DDX60L: variants seen among roughly 807,000 people sequenced by gnomAD.
The protein encoded by DDX60L is DExD/H-box 60 like.
A neutral mutation model predicts 211.6 loss-of-function variants in DDX60L; 191 were observed. The observed-to-expected ratio is 0.90, with a 90% CI of 0.80 to 1.02. The LOEUF (loss-of-function observed/expected upper bound fraction) is 1.02, where lower values mean the gene tolerates loss of function less well. Ranked by LOEUF, DDX60L falls within the 50% of genes least tolerant of loss-of-function variation. The probability of loss-of-function intolerance (pLI) is 0.00; values close to 1 mark genes in which losing one functional copy is unlikely to be tolerated. For synonymous variants in DDX60L, 706 were observed against 694.1 expected, an observed-to-expected ratio of 1.02 and a Z score of -0.27; for missense variants, 2,007 against 1,984.1, an observed-to-expected ratio of 1.01 and a Z score of -0.22.
In DDX60L at chr4:168,394,527, T is replaced by C. The variant is rs1294154221; in HGVS notation, c.3748A>G (p.Ser1250Gly). ...LAQRGIGYHH[S>G]SMYFKEKEFV... ...TCTTTTTCTTTAAAATACATGCTGC[T>C]GTGATGATATCCAATCCCCCTTTGT... Residue 1250 changes from serine to glycine, a missense_variant, in exon 28 of 38, where the codon AGC becomes GGC. Transcript: ENST00000682922. The C allele has an allele frequency of 6.2e-7, 1 of 1,613,612 alleles. No individual in the cohort carries two copies. Among genetic ancestry groups the C allele is most frequent in the Non-Finnish European group, 8.5e-7 (1 of 1,179,608 alleles).
Position 168,471,864 on chromosome 4 carries a change from T to C in DDX60L, c.147A>G (p.Thr49=), listed in dbSNP as rs780055233. 5 of 1,613,626 alleles carry C rather than the reference T, an allele frequency of 3.1e-6. No homozygotes were observed. Among genetic ancestry groups the C allele is most frequent in the Non-Finnish European group, 4.2e-6 (5 of 1,179,868 alleles). The change falls in exon 4 of 38, where the codon ACA becomes ACG. Residue 49 remains threonine (T), a synonymous_variant. Transcript: ENST00000682922. ...ACTTGAATGATTTTACACCCAGGCATGTGACAAGCAAGGAATCTCCATCAA... is the reference window on the plus strand; with the variant it reads ...ACTTGAATGATTTTACACCCAGGCACGTGACAAGCAAGGAATCTCCATCAA... ...FVIDGDSLLV[T]CLGVKSFKWG...
At chr4:168,452,946 T>C (rs1756003548) in intron 8 of DDX60L, among the ~76,000 whole-genome samples, 178 bp downstream of exon 8, 1 of 152,190 alleles carries the variant, frequency 6.6e-6, no homozygotes. Flanking sequence ...CATGCTTCTA[T>C]AAAACAGATA....
intron 11 of DDX60L, 63 bp downstream of exon 11, chr4:168,432,947 C>T: frequency 1.1e-6 from 1 of 935,530 alleles, no homozygotes; most frequent in East Asian, 2.6e-5. Flanking sequence ...TTTGATGAGT[C>T]ATTCACTTCA....
At chr4:168,475,458 C>T (rs1222439146) in intron 1 of DDX60L, among the ~76,000 whole-genome samples, 5 of 151,952 alleles carry the variant, frequency 3.3e-5, no homozygotes, top group African/African-American at 4.8e-5. Flanking sequence ...ACTATGTATA[C>T]AGTTATGTTG....
Position 168,373,812 on chromosome 4 carries a change from A to C in DDX60L, c.4634-4T>G. On this transcript the variant is annotated splice_region_variant and splice_polypyrimidine_tract_variant and intron_variant, in intron 34 of 37. Coordinates refer to ENST00000682922, the MANE Select transcript of DDX60L (RefSeq NM_001012967.3). ...TCACATTCTTTACCTGTGAATTCTG[A>C]CCATTTTGGACTAGGTCACGTTAGG... is the stretch of plus-strand genomic sequence containing the variant. 3 of 1,612,376 alleles carry C rather than the reference A, an allele frequency of 1.9e-6. No homozygotes were observed. The highest frequency in any genetic ancestry group is 2.5e-6 in the Non-Finnish European group (3 of 1,179,190).
chr4:168,416,041 G>A (rs554275709), intron 20 of DDX60L, among the ~76,000 whole-genome samples: 7 of 152,112 alleles, frequency 4.6e-5, no homozygotes, highest in South Asian at 4.1e-4. Context: ...AGGGTGTTGC[G>A]TGGCTTGAAT....
intron 10 of DDX60L, 84 bp downstream of exon 10, chr4:168,441,253 T>A: frequency 7.6e-7 from 1 of 1,313,596 alleles, no homozygotes; most frequent in East Asian, 2.4e-5. Flanking sequence ...TTATTTACAC[T>A]TGGAAGAATT....
chr4:168,390,272 G>A (rs1744568109), intron 29 of DDX60L: 3 of 1,094,874 alleles, frequency 2.7e-6, no homozygotes, highest in Admixed American at 1.0e-4. Context: ...AATTCTGAAG[G>A]AAACAAAAGT....
chr4:168,454,782 C>A (rs1453392348), intron 7 of DDX60L, among the ~76,000 whole-genome samples: 1 of 33,944 alleles, frequency 2.9e-5, no homozygotes, highest in African/African-American at 1.0e-4. Flanking sequence ...TTTTTTTTAG[C>A]AGCTAGAAGA....
chr4:168,427,049 A>G, intron 14 of DDX60L, 21 bp downstream of exon 14: 5 of 1,582,966 alleles, frequency 3.2e-6, no homozygotes, highest in Middle Eastern at 1.7e-4. Flanking sequence ...CTCTTTATCC[A>G]TAGAGTATGG....
At chr4:168,396,271 G>A (rs1216140713) in intron 26 of DDX60L, 147 bp from the exon 27 acceptor site, 8 of 499,884 alleles carry the variant, frequency 1.6e-5, no homozygotes, top group Non-Finnish European at 2.8e-5. Flanking sequence ...CCTTCCTCAC[G>A]TGCACTTCCA....
chr4:168,449,953 G>A (rs1755573075), intron 8 of DDX60L, among the ~76,000 whole-genome samples: 1 of 152,162 alleles, frequency 6.6e-6, no homozygotes, highest in East Asian at 1.9e-4. Flanking sequence ...TTGTTCCTGG[G>A]TGTAGGCTGA....
At chr4:168,359,295 G>A (rs1181170915) in intron 37 of DDX60L, among the ~76,000 whole-genome samples, 1 of 152,122 alleles carries the variant, frequency 6.6e-6, no homozygotes, top group Non-Finnish European at 1.5e-5. Context: ...ATTGACTGCT[G>A]AACATTTCCC....
rs561437695 is a variant in DDX60L, at chr4:168,400,888, A to G, written c.3429T>C (p.Cys1143=). ...CATCTATTGCAAAGACATAACTATG[A>G]CATTCAGTGTGGGGATGGCTTTTTG... ...TETKSHPHTE[C]HSYVFAIDEV... The change falls in exon 26 of 38, where the codon TGT becomes TGC. Residue 1143 remains cysteine (C), a synonymous_variant. Coordinates refer to ENST00000682922, the MANE Select transcript of DDX60L (RefSeq NM_001012967.3). 4.5e-5 allele frequency: 73 copies of G among 1,613,704 alleles called. No individual in the cohort carries two copies. In the South Asian group the frequency reaches 7.8e-4, roughly 17 times the overall value.
In DDX60L at chr4:168,430,508, ATCC is replaced by A. The variant is rs1169515708; in HGVS notation, c.1644_1646del (p.Glu548del). The A allele has an allele frequency of 6.2e-7, 1 of 1,606,434 alleles. No homozygotes were observed. ...ATATTTCACCACTGGCACCACTGGA[ATCC>A]TCCTTTGGCCGAGTAGTTTGAGTCA... On this transcript the variant is annotated inframe_deletion, in exon 13 of 38. Coordinates refer to ENST00000682922, the MANE Select transcript of DDX60L (RefSeq NM_001012967.3).
At chr4:168,472,920 T>C (rs535560813) in intron 1 of DDX60L, 111 bp from the exon 2 acceptor site, 12 of 546,386 alleles carry the variant, frequency 2.2e-5, no homozygotes, top group Non-Finnish European at 3.5e-5. Context: ...TAAGCAAAGA[T>C]TGATCAAATA....
At chr4:168,419,239 A>C in intron 19 of DDX60L, 63 bp downstream of exon 19, 1 of 1,173,794 alleles carries the variant, frequency 8.5e-7, no homozygotes, top group Non-Finnish European at 1.2e-6. Context: ...ATATTCTTTA[A>C]ATTACAAATT....
In DDX60L at chr4:168,384,805, C is replaced by T; in HGVS notation, c.3923G>A (p.Gly1308Asp). ...GTCTTGACCTCTTCTTCCAGCACGACCAGACATCTGGAAGCAGCAAAGAAT... is the reference window on the plus strand; with the variant it reads ...GTCTTGACCTCTTCTTCCAGCACGATCAGACATCTGGAAGCAGCAAAGAAT... ...LDALNYRQMS[G>D]RAGRRGQDLL... Residue 1308 changes from glycine (G) to aspartate (D), a missense_variant, in exon 30 of 38, where the codon GGT (glycine) becomes GAT (aspartate). Physicochemically the swap from Gly to Asp is moderately conservative, Grantham distance 94. Transcript: ENST00000682922. The T allele has an allele frequency of 6.2e-7, 1 of 1,612,450 alleles. No homozygotes were observed. Among genetic ancestry groups the T allele is most frequent in the Non-Finnish European group, 8.5e-7 (1 of 1,179,134 alleles).
At chr4:168,422,266 G>C (rs991042024) in intron 16 of DDX60L, among the ~76,000 whole-genome samples, 1 of 152,190 alleles carries the variant, frequency 6.6e-6, no homozygotes, top group African/African-American at 2.4e-5. Flanking sequence ...TGAGCTGTAA[G>C]AACTAGTAAT....
Sources: allele counts gnomAD v4.1 joint callset (sites outside exome capture counted in the v4.1 genomes callset), GRCh38; gene constraint gnomAD v4.1.1; transcripts MANE v1.5; gene names NCBI Gene and HGNC (gene_info 2026-07-23, HGNC 2026-07-21).